Variants in COL19A1 observed in about 807,000 individuals in gnomAD.
COL19A1 encodes collagen type XIX alpha 1 chain.
In COL19A1, 159 loss-of-function variants were observed where a neutral mutation model predicts 190.2. The ratio of observed to expected loss-of-function variants is 0.84; its 90% CI spans 0.73 to 0.95. COL19A1 has a LOEUF of 0.95. Ranked by LOEUF, COL19A1 falls within the 40% of genes least tolerant of loss-of-function variation. The probability of loss-of-function intolerance (pLI) is 0.00; values close to 1 mark genes in which losing one functional copy is unlikely to be tolerated. For missense variants in COL19A1, 1,418 were observed against 1,431.9 expected, an observed-to-expected ratio of 0.99 and a Z score of 0.16; for synonymous variants, 509 against 458.9, an observed-to-expected ratio of 1.11 and a Z score of -1.39.
rs1056256480 is a variant in COL19A1 at position 70,199,715 on chromosome 6, C to G, written c.3202C>G (p.Pro1068Ala). ...PPGKDGLPGP[P>A]GDPGPQGYRG... ...AGGGAAGGATGGGTTGCCTGGGCCACCAGGAGACCCTGGACCCCAAGGTAA... is the reference window on the plus strand; with the variant it reads ...AGGGAAGGATGGGTTGCCTGGGCCAGCAGGAGACCCTGGACCCCAAGGTAA... Residue 1068 changes from proline (P) to alanine (A), a missense_variant, in exon 49 of 51, where the codon CCA becomes GCA. Transcript: ENST00000620364. 5 of 1,610,344 alleles carry G rather than the reference C, an allele frequency of 3.1e-6. No individual in the cohort carries two copies. The highest frequency in any genetic ancestry group is 4.2e-6 in the Non-Finnish European group (5 of 1,177,780).
intron 15 of COL19A1, among the ~76,000 whole-genome samples, chr6:70,073,005 G>A (rs1049461974): frequency 5.1e-5 from 6 of 117,880 alleles, no homozygotes; most frequent in African/African-American, 2.6e-4. Context: ...ATTTATTATT[G>A]AGAGAGAGTT....
At chr6:69,895,696 G>A (rs1318237941) in intron 2 of COL19A1, among the ~76,000 whole-genome samples, 3 of 152,194 alleles carry the variant, frequency 2.0e-5, no homozygotes, top group Non-Finnish European at 4.4e-5. Context: ...AGTTTCTCCA[G>A]GGACCCCCTC....
intron 1 of COL19A1, among the ~76,000 whole-genome samples, chr6:69,867,243 G>T (rs961597121): frequency 1.4e-4 from 22 of 152,216 alleles, no homozygotes; most frequent in South Asian, 8.3e-4. Context: ...TGCGGCTTCT[G>T]GGGGGCGGCG....
intron 2 of COL19A1, among the ~76,000 whole-genome samples, chr6:69,893,827 A>C (rs1042445950): frequency 1.3e-5 from 2 of 152,330 alleles, no homozygotes; most frequent in African/African-American, 4.8e-5. Context: ...TCCTCTGCAC[A>C]ATAAAACTTG....
At chr6:69,948,464 C>T (rs1282043119) in intron 9 of COL19A1, among the ~76,000 whole-genome samples, 2 of 151,788 alleles carry the variant, frequency 1.3e-5, no homozygotes, top group Admixed American at 6.6e-5. Context: ...GGTTGTGGAA[C>T]AGGTTCTCAA....
chr6:69,970,390 A>G (rs754096881), intron 11 of COL19A1, among the ~76,000 whole-genome samples: 17 of 152,210 alleles, frequency 1.1e-4, no homozygotes, highest in South Asian at 4.1e-4. Flanking sequence ...CTTAATTAGA[A>G]TGGGAAAAAA....
chr6:69,923,826 CATTTAAGG>C (rs1201158124), intron 4 of COL19A1, among the ~76,000 whole-genome samples: 2 of 152,160 alleles, frequency 1.3e-5, no homozygotes, highest in African/African-American at 4.8e-5. Context: ...CCAGCCTGAA[CATTTAAGG>C]TATTTTCTGT....
intron 14 of COL19A1, among the ~76,000 whole-genome samples, chr6:70,057,793 A>G (rs888678882): frequency 2.6e-5 from 4 of 152,064 alleles, no homozygotes; most frequent in Admixed American, 2.0e-4. Flanking sequence ...TAGATGAAGA[A>G]TATTATCTAA....
chr6:69,914,470 C>CA (rs1771162995), intron 4 of COL19A1, among the ~76,000 whole-genome samples: 1 of 152,208 alleles, frequency 6.6e-6, no homozygotes, highest in African/African-American at 2.4e-5. Flanking sequence ...TTCAGCAAGT[C>CA]AGAGGCCTCA....
At chr6:70,022,920 C>A (rs1562094368) in intron 11 of COL19A1, among the ~76,000 whole-genome samples, 1 of 151,956 alleles carries the variant, frequency 6.6e-6, no homozygotes, top group African/African-American at 2.4e-5. Flanking sequence ...TAAAATTTTT[C>A]ATCTCTGATT....
In COL19A1 at chr6:70,205,302, G is replaced by A. The variant is rs118138667; in HGVS notation, c.3224-1599G>A. On this transcript the variant is annotated intron_variant, in intron 49 of 50. Coordinates refer to ENST00000620364, the MANE Select transcript of COL19A1 (RefSeq NM_001858.6). ...TCAGATAATAATGTGTACATTGTAT[G>A]ACCTAGTCAAAGTGAAAATGATAAC... 1.2e-3 allele frequency among the ~76,000 whole-genome samples: 180 copies of A among 152,256 alleles called. 6 individuals are homozygous for A. In the East Asian group the frequency reaches 0.03, roughly 25 times the overall value.
At chr6:70,110,886 G>C (rs1263050783) in intron 16 of COL19A1, among the ~76,000 whole-genome samples, 13 of 152,032 alleles carry the variant, frequency 8.6e-5, no homozygotes, top group Admixed American at 8.5e-4. Flanking sequence ...GGACTGACAT[G>C]TGTTATTTAC....
chr6:69,960,314 G>C, intron 10 of COL19A1, among the ~76,000 whole-genome samples: 1 of 152,122 alleles, frequency 6.6e-6, no homozygotes, highest in East Asian at 1.9e-4. Context: ...AGCTGCTCTG[G>C]AAACGTTTCT....
chr6:70,073,131 G>T (rs1235523443), intron 15 of COL19A1, among the ~76,000 whole-genome samples: 2 of 152,032 alleles, frequency 1.3e-5, no homozygotes, highest in Admixed American at 1.3e-4. Flanking sequence ...GGGATTACAG[G>T]CATGCACCAC....
intron 14 of COL19A1, among the ~76,000 whole-genome samples, chr6:70,061,202 T>C (rs1780810121): frequency 6.6e-6 from 1 of 152,184 alleles, no homozygotes; most frequent in Non-Finnish European, 1.5e-5. Flanking sequence ...AGTTGATTGA[T>C]CTGTGTTTTA....
chr6:70,022,823 T>C (rs1055352743), intron 11 of COL19A1, among the ~76,000 whole-genome samples: 6 of 152,208 alleles, frequency 3.9e-5, no homozygotes, highest in Admixed American at 3.3e-4. Flanking sequence ...TGTCTCTATA[T>C]CATTAACTAG....
intron 20 of COL19A1, 95 bp from the exon 21 acceptor site, chr6:70,141,798 G>A: frequency 1.2e-5 from 10 of 801,060 alleles, no homozygotes; most frequent in Non-Finnish European, 2.1e-5. Context: ...CCTTTTTATT[G>A]TATGTTAATT....
intron 49 of COL19A1, among the ~76,000 whole-genome samples, chr6:70,204,367 G>A (rs1767736929): frequency 6.6e-6 from 1 of 152,146 alleles, no homozygotes; most frequent in South Asian, 2.1e-4. Flanking sequence ...CGGCTTTATG[G>A]CAGCCTTCAT....
At chr6:69,964,301 A>G (rs1249025815) in intron 11 of COL19A1, among the ~76,000 whole-genome samples, 1 of 152,214 alleles carries the variant, frequency 6.6e-6, no homozygotes, top group Non-Finnish European at 1.5e-5. Context: ...ATTTCATTAA[A>G]TGATGACTAT....
Sources: gnomAD v4.1 joint callset for allele counts (sites outside exome capture counted in the v4.1 genomes callset) on GRCh38, gnomAD v4.1.1 for gene constraint, MANE v1.5 for transcripts, NCBI Gene and HGNC (gene_info 2026-07-23, HGNC 2026-07-21) for gene names.